Variants in MKRN1 observed in about 807,000 individuals in gnomAD.
The protein encoded by MKRN1 is E3 ubiquitin-protein ligase makorin-1.
Under a neutral mutation model 55.5 loss-of-function variants are expected in MKRN1, and 9 were observed. That is an observed-to-expected ratio of 0.16 (90% CI 0.10 to 0.28). The LOEUF (loss-of-function observed/expected upper bound fraction) is 0.28, where lower values mean the gene tolerates loss of function less well. Among genes scored for constraint, MKRN1 ranks in the 10% least tolerant of loss-of-function variants. The probability of loss-of-function intolerance (pLI) is 1.00; values close to 1 mark genes in which losing one functional copy is unlikely to be tolerated. For missense variants in MKRN1, 488 were observed against 626.7 expected, an observed-to-expected ratio of 0.78 and a Z score of 2.36; for synonymous variants, 253 against 235.9, an observed-to-expected ratio of 1.07 and a Z score of -0.66.
chr7:140,477,718 A>G (rs1463975959), intron 1 of MKRN1, among the ~76,000 whole-genome samples: 1 of 152,214 alleles, frequency 6.6e-6, no homozygotes, highest in Non-Finnish European at 1.5e-5. Context: ...TCAGCCTCCC[A>G]AAATGCTGGG....
At position 140,455,804 on chromosome 7, in the gene MKRN1, G is replaced by A. The variant is rs565206300; in HGVS notation, c.1083C>T (p.Tyr361=). 6.2e-7 allele frequency: 1 copy of A among 1,612,620 alleles called. No homozygotes were observed. The highest frequency in any genetic ancestry group is 2.2e-5 in the East Asian group (1 of 44,880). ...AGTGCTCATACCTCATTGCCTCCTT[G>A]TATTTCAGAATGAGTTTCTGCTTCT... ...KEEKQKLILK[Y]KEAMSNKACR... Residue 361 remains tyrosine (Y), a synonymous_variant, in exon 6 of 8, where the codon TAC becomes TAT. Coordinates refer to ENST00000255977, the MANE Select transcript of MKRN1 (RefSeq NM_013446.4).
intron 2 of MKRN1, among the ~76,000 whole-genome samples, chr7:140,463,740 C>A (rs1794689513): frequency 6.6e-6 from 1 of 151,928 alleles, no homozygotes; most frequent in Admixed American, 6.6e-5. Context: ...AAAAAATTAG[C>A]CGGGCGTGGT....
chr7:140,459,291 G>A, intron 3 of MKRN1, 58 bp from the exon 4 acceptor site: 1 of 1,543,074 alleles, frequency 6.5e-7, no homozygotes, highest in Non-Finnish European at 8.9e-7. Flanking sequence ...AACTATAAGA[G>A]AACTGAGAAT....
At chr7:140,475,733 GT>G (rs971255577) in intron 1 of MKRN1, among the ~76,000 whole-genome samples, 10 of 151,992 alleles carry the variant, frequency 6.6e-5, no homozygotes, top group Non-Finnish European at 1.0e-4. Flanking sequence ...TTAAACACTT[GT>G]TTTTTTGTGT....
In MKRN1 at chr7:140,454,260, T is replaced by C. The variant is rs1585458707; in HGVS notation, c.*257A>G. ...AACAGATGACGCAACACACCTACAC[T>C]AACTGTCTGACAGTTAAATTCGTGT... On this transcript the variant is annotated 3_prime_UTR_variant, in exon 8 of 8. Transcript: ENST00000255977. The C allele has an allele frequency of 4.0e-6, 2 of 499,682 alleles. No individual in the cohort carries two copies. Among genetic ancestry groups the C allele is most frequent in the East Asian group, 7.5e-5 (2 of 26,748 alleles). 31.0% of individuals were successfully genotyped at this position (499,682 alleles called of 1,614,324 possible). A position where few individuals can be genotyped will look rare whatever the true frequency, so the allele number is the denominator to read the frequency against.
intron 1 of MKRN1, among the ~76,000 whole-genome samples, chr7:140,476,710 A>AAACTGAGG (rs1285820717): frequency 1.3e-5 from 2 of 151,366 alleles, no homozygotes; most frequent in African/African-American, 4.9e-5. Context: ...CTGAGGAAAG[A>AAACTGAGG]AACTGAGGAA....
chr7:140,473,490 TAAC>T (rs1229254850), intron 1 of MKRN1, among the ~76,000 whole-genome samples: 1 of 152,202 alleles, frequency 6.6e-6, no homozygotes, highest in Non-Finnish European at 1.5e-5. Context: ...CTAGGCATCT[TAAC>T]AACCTCTTTA....
At position 140,455,145 on chromosome 7, in the gene MKRN1, G is replaced by A. The variant is rs769711070; in HGVS notation, c.1186C>T (p.Arg396Cys). Reference protein sequence around the residue: ...CFYKHAYPDGRREEPQRQKVG... With the variant: ...CFYKHAYPDGCREEPQRQKVG... ...TTCTGTCTCTGTGGCTCCTCTCTAC[G>A]GCCATCAGGGTACGCATGCTTGTAA... Residue 396 changes from arginine to cysteine, a missense_variant, in exon 7 of 8, where the codon CGT (arginine) becomes TGT (cysteine). This residue lies in a region of MKRN1 where 278 missense variants were observed against 406.7 expected (regional missense o/e 0.68). Coordinates refer to ENST00000255977, the MANE Select transcript of MKRN1 (RefSeq NM_013446.4). The A allele has an allele frequency of 2.1e-5, 34 of 1,613,652 alleles. No individual in the cohort carries two copies. The highest frequency in any genetic ancestry group is 1.6e-4 in the East Asian group (7 of 44,878).
chr7:140,470,058 A>T (rs76733449), intron 2 of MKRN1, among the ~76,000 whole-genome samples: 4,160 of 142,496 alleles, frequency 0.029, 235 homozygotes, highest in African/African-American at 0.11. Context: ...AAAAAAAAAA[A>T]AAAAAAAAAA....
In MKRN1 at chr7:140,459,229, C is replaced by G. The variant is rs759635628; in HGVS notation, c.549G>C (p.Ala183=). 6.2e-7 allele frequency: 1 copy of G among 1,613,678 alleles called. No individual in the cohort carries two copies. Among genetic ancestry groups the G allele is most frequent in the Non-Finnish European group, 8.5e-7 (1 of 1,179,860 alleles). The stretch of plus-strand genomic sequence containing the variant: ...GCAGGGGTGCTTCAGTGCAGGAAGG[C>G]GCAGCTGAAAATGTGTAAGAGGGTG... ...VPGQPYCGRT[A]PSCTEAPLQG... Residue 183 remains alanine, a synonymous_variant, in exon 4 of 8, where the codon GCG becomes GCC. Coordinates refer to ENST00000255977, the MANE Select transcript of MKRN1 (RefSeq NM_013446.4).
chr7:140,479,002 G>A lies in MKRN1; in HGVS notation c.185+158C>T, dbSNP rs1469876276. The stretch of plus-strand genomic sequence containing the variant: ...GACGCAGTGACTGGGGGAACGCGGC[G>A]GCAGCGGGGGCCGCGAGGGCTGCAG... On this transcript the variant is annotated intron_variant, in intron 1 of 7. Coordinates refer to ENST00000255977, the MANE Select transcript of MKRN1 (RefSeq NM_013446.4). 28 of 908,074 alleles carry A rather than the reference G, an allele frequency of 3.1e-5. No individual in the cohort carries two copies. The East Asian group carries it at 5.3e-4, about 17-fold the overall frequency. 56.3% of individuals were successfully genotyped at this position (908,074 alleles called of 1,614,324 possible). A position where few individuals can be genotyped will look rare whatever the true frequency, so the allele number is the denominator to read the frequency against.
intron 2 of MKRN1, chr7:140,460,246 CA>C (rs58698651): frequency 2.3e-3 from 177 of 77,278 alleles, no homozygotes; most frequent in South Asian, 9.2e-3. Context: ...GACTCCGTCT[CA>C]AAAAAAAAAA....
rs1482074668 is a variant in MKRN1, at chr7:140,456,695, G to A, written c.943C>T (p.Arg315Cys). 5 of 1,613,990 alleles carry A rather than the reference G, an allele frequency of 3.1e-6. No homozygotes were observed. The highest frequency in any genetic ancestry group is 1.7e-5 in the Admixed American group (1 of 59,974). ...AATTGCTTAGCACTCCTCCACTTGC[G>A]AATGCACTTGAGACAGTAGGTGTGG... ...CNHTYCLKCI[R>C]KWRSAKQFES... The change falls in exon 5 of 8, where the codon CGC becomes TGC. Residue 315 changes from arginine to cysteine, a missense_variant. This residue lies in a region of MKRN1 where 278 missense variants were observed against 406.7 expected (regional missense o/e 0.68). Coordinates refer to ENST00000255977, the MANE Select transcript of MKRN1 (RefSeq NM_013446.4).
intron 3 of MKRN1, 105 bp from the exon 4 acceptor site, chr7:140,459,338 TACCAA>T: frequency 9.1e-7 from 1 of 1,101,294 alleles, no homozygotes; most frequent in Non-Finnish European, 1.3e-6. Flanking sequence ...TGCAATGAAA[TACCAA>T]AACAGTCTAC....
chr7:140,467,711 A>G (rs4424177), intron 2 of MKRN1, among the ~76,000 whole-genome samples: 40,874 of 152,002 alleles, frequency 0.27, 9,358 homozygotes, highest in African/African-American at 0.63. Context: ...TGGTTAATAC[A>G]CAGAGCCCAG....
In MKRN1 at chr7:140,461,119, A is replaced by C. The variant is rs76740656; in HGVS notation, c.315-1183T>G. On this transcript the variant is annotated intron_variant, in intron 2 of 7. Transcript: ENST00000255977. ...CAAGGCTGACACAAGGTCAATAAGC[A>C]GACATGTGGAACATTTTACCAACAC... 2.3e-3 allele frequency among the ~76,000 whole-genome samples: 356 copies of C among 152,386 alleles called. 1 individual carries two copies. The highest frequency in any genetic ancestry group is 7.9e-3 in the African/African-American group (330 of 41,594).
In MKRN1 at chr7:140,454,677, T is replaced by C. The variant is rs753712171; in HGVS notation, c.1289A>G (p.Asn430Ser). 6 of 1,613,936 alleles carry C rather than the reference T, an allele frequency of 3.7e-6. No individual in the cohort carries two copies. Among genetic ancestry groups the C allele is most frequent in the East Asian group, 4.5e-5 (2 of 44,886 alleles). Residue 430 changes from asparagine to serine, a missense_variant, in exon 8 of 8, where the codon AAC becomes AGC. Asn to Ser is a conservative substitution (Grantham distance 46, BLOSUM62 1). Transcript: ENST00000255977. The stretch of plus-strand genomic sequence containing the variant: ...CTCTTCTTCATCGTTGTCAAAGGGG[T>C]TGCTGTTCTCTCTTTCCTCAATGAG... Reference protein sequence around the residue: ...WELIEERENSNPFDNDEEEVV... With the variant: ...WELIEERENSSPFDNDEEEVV...
chr7:140,459,565 T>TAA, intron 3 of MKRN1, 142 bp downstream of exon 3: 1 of 806,578 alleles, frequency 1.2e-6, no homozygotes, highest in Non-Finnish European at 1.9e-6. Flanking sequence ...CTGTAAATCT[T>TAA]AGGTAATCCA....
rs546690208 is a variant in MKRN1, at chr7:140,479,320, T to A, written c.25A>T (p.Thr9Ser). 1 of 1,311,426 alleles carries A rather than the reference T, an allele frequency of 7.6e-7. No homozygotes were observed. Among genetic ancestry groups the A allele is most frequent in the Admixed American group, 4.1e-5 (1 of 24,258 alleles). The allele number at this position is 1,311,426 out of a possible 1,614,324, so 81.2% of individuals were successfully genotyped here. A position where few individuals can be genotyped will look rare whatever the true frequency, so the allele number is the denominator to read the frequency against. The change falls in exon 1 of 8, where the codon ACA becomes TCA. Residue 9 changes from threonine to serine, a missense_variant. Physicochemically the swap from Thr to Ser is moderately conservative, Grantham distance 58. Coordinates refer to ENST00000255977, the MANE Select transcript of MKRN1 (RefSeq NM_013446.4). MAEAATPG[T>S]TATTSGAGAA... ...CCTGCTCCTGATGTTGTGGCTGTTGTTCCGGGAGTTGCAGCCTCCGCCATT... is the reference window on the plus strand; with the variant it reads ...CCTGCTCCTGATGTTGTGGCTGTTGATCCGGGAGTTGCAGCCTCCGCCATT...
Sources: allele counts gnomAD v4.1 joint callset (sites outside exome capture counted in the v4.1 genomes callset), GRCh38; gene constraint gnomAD v4.1.1; regional missense constraint gnomAD v4.1.1; transcripts MANE v1.5; gene names NCBI Gene and HGNC (gene_info 2026-07-23, HGNC 2026-07-21).